The following DRG1 variants were observed in gnomAD, a reference collection of about 807,000 sequenced individuals.
DRG1 encodes the protein developmentally regulated GTP binding protein 1, also known as developmentally-regulated GTP-binding protein 1.
DRG1 carries 19 observed loss-of-function variants against 38.8 expected under a neutral mutation model. The observed-to-expected ratio is 0.49, with a 90% CI of 0.34 to 0.72. DRG1 has a LOEUF of 0.72. Among genes scored for constraint, DRG1 ranks in the 30% least tolerant of loss-of-function variants. DRG1 has a pLI of 0.01. For missense variants in DRG1, 299 were observed against 444.8 expected, an observed-to-expected ratio of 0.67 and a Z score of 2.95; for synonymous variants, 167 against 157.5, an observed-to-expected ratio of 1.06 and a Z score of -0.45.
At chr22:31,433,309 T>C (rs565719284) in intron 8 of DRG1, among the ~76,000 whole-genome samples, 1 of 150,454 alleles carries the variant, frequency 6.6e-6, no homozygotes, top group African/African-American at 2.5e-5. Flanking sequence ...TTTCGCTCGT[T>C]GCCCAACCTG....
At chr22:31,404,553 C>T (rs2049979664) in intron 3 of DRG1, among the ~76,000 whole-genome samples, 1 of 151,708 alleles carries the variant, frequency 6.6e-6, no homozygotes, top group South Asian at 2.1e-4. Flanking sequence ...CCTGCTTTAA[C>T]TTCTAAAGGC....
At chr22:31,417,132 G>A (rs1252702142) in intron 4 of DRG1, among the ~76,000 whole-genome samples, 2 of 151,922 alleles carry the variant, frequency 1.3e-5, no homozygotes, top group African/African-American at 4.8e-5. Context: ...AGCACTTTGG[G>A]AGGCCGAGGC....
At chr22:31,421,574 G>T (rs2050077172) in intron 5 of DRG1, among the ~76,000 whole-genome samples, 1 of 152,202 alleles carries the variant, frequency 6.6e-6, no homozygotes, top group Middle Eastern at 3.4e-3. Flanking sequence ...AAGAGGGCAT[G>T]TGGGGTAGGC....
intron 5 of DRG1, among the ~76,000 whole-genome samples, chr22:31,422,133 GA>G (rs777659376): frequency 7.4e-6 from 1 of 135,440 alleles, no homozygotes; most frequent in Admixed American, 7.6e-5. Context: ...AAGAAAGAAA[GA>G]AAAGAAAAGA....
chr22:31,415,601 A>G (rs1292961718), intron 4 of DRG1, among the ~76,000 whole-genome samples: 2 of 152,128 alleles, frequency 1.3e-5, no homozygotes, highest in African/African-American at 4.8e-5. Flanking sequence ...ACCTCAAGTG[A>G]TCCGCCTGCC....
chr22:31,423,527 T>C, intron 6 of DRG1, 117 bp downstream of exon 6: 1 of 878,112 alleles, frequency 1.1e-6, no homozygotes, highest in Non-Finnish European at 1.6e-6. Context: ...TACTGTCTTT[T>C]TTTTTTTTTT....
intron 6 of DRG1, among the ~76,000 whole-genome samples, chr22:31,423,834 C>G: frequency 6.9e-6 from 1 of 145,948 alleles, no homozygotes; most frequent in South Asian, 2.2e-4. Flanking sequence ...GCCTGTGCTA[C>G]TATCTTAAAT....
At position 31,427,827 on chromosome 22, in the gene DRG1, G is replaced by A. The variant is rs193032037; in HGVS notation, c.1004+645G>A. Among the ~76,000 whole-genome samples, 29 of 152,108 alleles carry A rather than the reference G, an allele frequency of 1.9e-4. No homozygotes were observed. In the East Asian group the frequency reaches 5.0e-3, roughly 26 times the overall value. On this transcript the variant is annotated intron_variant, in intron 8 of 8. Transcript: ENST00000331457. Reference sequence around the variant, plus strand: ...TGGCTCACTGCAACTTATGCTTCCCGGGTTCAAGTGATTCTCCTGCCTCAA... The same window carrying A: ...TGGCTCACTGCAACTTATGCTTCCCAGGTTCAAGTGATTCTCCTGCCTCAA...
intron 5 of DRG1, among the ~76,000 whole-genome samples, chr22:31,422,595 TGA>T (rs1267196593): frequency 1.3e-5 from 2 of 152,196 alleles, no homozygotes; most frequent in Admixed American, 1.3e-4. Context: ...AATTGAGGAC[TGA>T]GAGTTTCCTA....
At chr22:31,423,109 T>C (rs565736936) in intron 5 of DRG1, among the ~76,000 whole-genome samples, 171 bp from the exon 6 acceptor site, 10 of 152,354 alleles carry the variant, frequency 6.6e-5, no homozygotes, top group Non-Finnish European at 1.3e-4. Flanking sequence ...AACACCTTCC[T>C]TGGAGTTTGG....
intron 3 of DRG1, 30 bp from the exon 4 acceptor site, chr22:31,410,982 C>T (rs1453107034): frequency 1.2e-6 from 2 of 1,606,964 alleles, no homozygotes; most frequent in Non-Finnish European, 8.5e-7. Context: ...TTTTTTCTTT[C>T]ATCCTCTTCC....
intron 5 of DRG1, among the ~76,000 whole-genome samples, chr22:31,421,711 A>C (rs1189078037): frequency 2.0e-5 from 3 of 151,984 alleles, no homozygotes; most frequent in Non-Finnish European, 1.5e-5. Flanking sequence ...ATCTCTATAA[A>C]AATAATAAAG....
intron 4 of DRG1, among the ~76,000 whole-genome samples, chr22:31,415,053 T>G (rs1188797039): frequency 6.6e-6 from 1 of 152,180 alleles, no homozygotes; most frequent in Non-Finnish European, 1.5e-5. Context: ...CTGGGACTGC[T>G]GGCATGTACG....
chr22:31,423,501 T>C (rs1351384859), intron 6 of DRG1, 91 bp downstream of exon 6: 2 of 1,414,004 alleles, frequency 1.4e-6, no homozygotes, highest in East Asian at 4.6e-5. Flanking sequence ...GAAGTTTATC[T>C]TAATTCCAGT....
At chr22:31,420,448 G>A in intron 5 of DRG1, 23 bp downstream of exon 5, 1 of 1,613,524 alleles carries the variant, frequency 6.2e-7, no homozygotes, top group Non-Finnish European at 8.5e-7. Context: ...TATGACATGG[G>A]GCAGGCTGCT....
Position 31,400,598 on chromosome 22 carries a change from G to C in DRG1, c.43-22G>C, listed in dbSNP as rs766535383. 4.4e-6 allele frequency: 7 copies of C among 1,607,886 alleles called. No individual in the cohort carries two copies. In the East Asian group the frequency reaches 1.3e-4, roughly 31 times the overall value. ...GAAGCGTTCACTGCTTCTAATTTATGGCTGTGATTCCTCCCTTTTAGATGG... is the reference window on the plus strand; with the variant it reads ...GAAGCGTTCACTGCTTCTAATTTATCGCTGTGATTCCTCCCTTTTAGATGG... On this transcript the variant is annotated intron_variant, in intron 1 of 8. Coordinates refer to ENST00000331457, the MANE Select transcript of DRG1 (RefSeq NM_004147.4).
chr22:31,402,095 C>T (rs2049964877), intron 2 of DRG1, among the ~76,000 whole-genome samples: 1 of 151,974 alleles, frequency 6.6e-6, no homozygotes, highest in South Asian at 2.1e-4. Context: ...TTTATATTGG[C>T]TTACAGAAAT....
chr22:31,429,475 T>C (rs570550094), intron 8 of DRG1, among the ~76,000 whole-genome samples: 12 of 152,236 alleles, frequency 7.9e-5, no homozygotes, highest in African/African-American at 2.6e-4. Flanking sequence ...ATTGGACTTC[T>C]GTGTGTTAGA....
chr22:31,433,473 G>T (rs2050152965), intron 8 of DRG1, among the ~76,000 whole-genome samples: 1 of 152,064 alleles, frequency 6.6e-6, no homozygotes, highest in African/African-American at 2.4e-5. Context: ...GTTTCACCAT[G>T]TTGGCCAGGC....
Sources: gnomAD v4.1 joint callset for allele counts (sites outside exome capture counted in the v4.1 genomes callset) on GRCh38, gnomAD v4.1.1 for gene constraint, MANE v1.5 for transcripts, NCBI Gene and HGNC (gene_info 2026-07-23, HGNC 2026-07-21) for gene names.